CEP63: variants seen among roughly 807,000 people sequenced by gnomAD.
CEP63 encodes centrosomal protein 63.
A neutral mutation model predicts 89.1 loss-of-function variants in CEP63; 84 were observed. That is an observed-to-expected ratio of 0.94 (90% CI 0.79 to 1.13). CEP63 has a LOEUF of 1.13. Among genes scored for constraint, CEP63 ranks in the 50% most tolerant of loss-of-function variants. The pLI, the probability that CEP63 is intolerant of heterozygous loss-of-function variation, is 0.00. For missense variants in CEP63, 838 were observed against 813.3 expected (o/e 1.03, Z -0.37); for synonymous variants, 267 against 272.5 (o/e 0.98, Z 0.20).
chr3:134,767,919 C>T, the CEP63 span, among the ~76,000 whole-genome samples: 3 of 152,162 alleles, frequency 2.0e-5, no homozygotes, highest in Non-Finnish European at 4.4e-5. Flanking sequence ...GAAGAAGACA[C>T]TGAGTTGAGT....
chr3:134,520,380 C>A (rs1306777076), intron 3 of CEP63, among the ~76,000 whole-genome samples: 1 of 152,054 alleles, frequency 6.6e-6, no homozygotes, highest in Non-Finnish European at 1.5e-5. Context: ...AAGACCTCTG[C>A]ACAGAAAGCT....
chr3:134,644,790 C>T, the CEP63 span, among the ~76,000 whole-genome samples: 2 of 152,222 alleles, frequency 1.3e-5, no homozygotes, highest in Non-Finnish European at 2.9e-5. Context: ...TGTGATCCAC[C>T]TGACAGAGTC....
chr3:134,648,186 A>G, the CEP63 span, among the ~76,000 whole-genome samples: 1 of 152,182 alleles, frequency 6.6e-6, no homozygotes, highest in Non-Finnish European at 1.5e-5. Flanking sequence ...GCGCGGAAGG[A>G]GTATTCAGTG....
At chr3:134,669,824 T>C in the CEP63 span, among the ~76,000 whole-genome samples, 8 of 152,210 alleles carry the variant, frequency 5.3e-5, no homozygotes, top group Admixed American at 6.5e-5. Flanking sequence ...GTTTTAATGG[T>C]TACCAACTAG....
At chr3:134,498,436 T>A (rs773505289) in intron 2 of CEP63, among the ~76,000 whole-genome samples, 3 of 152,258 alleles carry the variant, frequency 2.0e-5, no homozygotes, top group Non-Finnish European at 4.4e-5. Flanking sequence ...AATTTCTTTA[T>A]CAGTTCTAAG....
chr3:134,595,839 G>A, the CEP63 span, among the ~76,000 whole-genome samples: 1 of 152,100 alleles, frequency 6.6e-6, no homozygotes, highest in Non-Finnish European at 1.5e-5. Context: ...GAGGACAACT[G>A]TGCTCAAAGA....
At chr3:134,711,296 A>G in the CEP63 span, among the ~76,000 whole-genome samples, 1 of 152,116 alleles carries the variant, frequency 6.6e-6, no homozygotes, top group Non-Finnish European at 1.5e-5. Flanking sequence ...CTTTATCTTC[A>G]TGTCTTTATC....
chr3:134,731,656 T>C, the CEP63 span, among the ~76,000 whole-genome samples: 6 of 152,092 alleles, frequency 3.9e-5, no homozygotes, highest in African/African-American at 1.4e-4. Flanking sequence ...GGCAAGCAAG[T>C]AAAGCCACCC....
At chr3:134,527,004 AC>A (rs1163572160) in intron 3 of CEP63, among the ~76,000 whole-genome samples, 1 of 152,092 alleles carries the variant, frequency 6.6e-6, no homozygotes, top group Non-Finnish European at 1.5e-5. Flanking sequence ...GTGCTCCCAG[AC>A]CACTAGTCAC....
the CEP63 span, among the ~76,000 whole-genome samples, chr3:134,737,890 A>G: frequency 1.3e-5 from 2 of 152,088 alleles, no homozygotes; most frequent in African/African-American, 4.8e-5. Context: ...GCCTCTCACT[A>G]TGGTTTTCCC....
the CEP63 span, among the ~76,000 whole-genome samples, chr3:134,737,791 C>A: frequency 6.6e-6 from 1 of 152,164 alleles, no homozygotes; most frequent in Non-Finnish European, 1.5e-5. Context: ...GGTTATTTGA[C>A]CGGGGCTGCT....
rs1186457454 is a variant in CEP63, at chr3:134,564,197, C to G, written c.*2662C>G. 1.0e-6 allele frequency: 1 copy of G among 959,656 alleles called. No individual in the cohort carries two copies. Among genetic ancestry groups the G allele is most frequent in the East Asian group, 1.2e-4 (1 of 8,674 alleles). The allele number at this position is 959,656 out of a possible 1,614,324, so 59.4% of individuals were successfully genotyped here. A position where few individuals can be genotyped will look rare whatever the true frequency, so the allele number is the denominator to read the frequency against. ...TGGTTCATGGTGGGATCCTCATCAC[C>G]CAGCACAAGCCCAACACTTAGGAGA... On this transcript the variant is annotated 3_prime_UTR_variant, in exon 15 of 15. Transcript: ENST00000675561.
intron 6 of CEP63, among the ~76,000 whole-genome samples, chr3:134,538,096 G>A (rs1161770819): frequency 6.6e-6 from 1 of 150,502 alleles, no homozygotes; most frequent in African/African-American, 2.5e-5. Flanking sequence ...TCTTGTATGT[G>A]TTCTCTGTTT....
chr3:134,491,849 C>T (rs1937619529), intron 1 of CEP63, among the ~76,000 whole-genome samples: 1 of 152,128 alleles, frequency 6.6e-6, no homozygotes, highest in African/African-American at 2.4e-5. Flanking sequence ...CATATCCCTT[C>T]TCTTAGTATG....
intron 3 of CEP63, among the ~76,000 whole-genome samples, chr3:134,508,090 C>T (rs1324745301): frequency 1.3e-5 from 2 of 152,188 alleles, no homozygotes; most frequent in Admixed American, 6.5e-5. Context: ...TTCAGGTACA[C>T]TTCTGTGAGT....
chr3:134,507,052 A>G (rs1943635476), intron 2 of CEP63, 57 bp from the exon 3 acceptor site: 1 of 1,374,274 alleles, frequency 7.3e-7, no homozygotes, highest in Non-Finnish European at 1.0e-6. Flanking sequence ...CATGAAAAAG[A>G]TGAAAAGCCA....
the CEP63 span, among the ~76,000 whole-genome samples, chr3:134,648,203 G>C: frequency 6.6e-6 from 1 of 152,194 alleles, no homozygotes; most frequent in South Asian, 2.1e-4. Context: ...AGTGCTCCTT[G>C]GTGGCCGAGG....
the CEP63 span, among the ~76,000 whole-genome samples, chr3:134,648,668 A>G: frequency 2.0e-5 from 3 of 152,096 alleles, no homozygotes; most frequent in Admixed American, 1.3e-4. Flanking sequence ...CTAGTGACCT[A>G]GCCTGTCCAC....
chr3:134,755,499 TG>T, the CEP63 span, among the ~76,000 whole-genome samples: 1 of 152,216 alleles, frequency 6.6e-6, no homozygotes, highest in Admixed American at 6.5e-5. Flanking sequence ...TTGGCTGATT[TG>T]GCCTCTGAGC....
Sources: gnomAD v4.1 joint callset for allele counts (sites outside exome capture counted in the v4.1 genomes callset) on GRCh38, gnomAD v4.1.1 for gene constraint, MANE v1.5 for transcripts, NCBI Gene and HGNC (gene_info 2026-07-23, HGNC 2026-07-21) for gene names.